BCO1: variants seen among roughly 807,000 people sequenced by gnomAD.
The protein encoded by BCO1 is beta-carotene oxygenase 1, also known as beta,beta-carotene 15,15'-dioxygenase.
A neutral mutation model predicts 56.3 loss-of-function variants in BCO1; 54 were observed. The observed-to-expected ratio is 0.96, with a 90% CI of 0.77 to 1.20. BCO1 has a LOEUF of 1.20. Ranked by LOEUF, BCO1 falls within the 50% of genes most tolerant of loss-of-function variation. The pLI is 0.00. For missense variants in BCO1, 801 were observed against 690.9 expected (o/e 1.16, Z -1.79); for synonymous variants, 318 against 266.1 (o/e 1.20, Z -1.90).
chr16:81,284,707 A>C (rs1268540117), intron 8 of BCO1, among the ~76,000 whole-genome samples: 1 of 151,846 alleles, frequency 6.6e-6, no homozygotes. Flanking sequence ...TTGGTCTCAA[A>C]CTCCTGGCCT....
chr16:81,264,518 C>A, intron 4 of BCO1, 122 bp from the exon 5 acceptor site: 1 of 1,208,122 alleles, frequency 8.3e-7, no homozygotes, highest in Non-Finnish European at 1.2e-6. Flanking sequence ...CTCTCTGAAC[C>A]TAGAATCAGT....
chr16:81,264,610 T>G, intron 4 of BCO1, 30 bp from the exon 5 acceptor site: 2 of 1,612,882 alleles, frequency 1.2e-6, no homozygotes, highest in Non-Finnish European at 1.7e-6. Flanking sequence ...CGTAAATACT[T>G]TAAAAAACAG....
chr16:81,267,981 C>T lies in BCO1; in HGVS notation c.693C>T (p.Leu231=). The T allele has an allele frequency of 6.2e-7, 1 of 1,614,050 alleles. No homozygotes were observed. Among genetic ancestry groups the T allele is most frequent in the Non-Finnish European group, 8.5e-7 (1 of 1,180,034 alleles). ...GCTCCATCCCATCCCGCTCCCTGCTCTCCCCAAGCTACTACCACAGCTTTG... is the reference window on the plus strand; with the variant it reads ...GCTCCATCCCATCCCGCTCCCTGCTTTCCCCAAGCTACTACCACAGCTTTG... The part of the protein sequence containing the change: ...VFCSIPSRSL[L]SPSYYHSFGV... The change falls in exon 6 of 11, where the codon CTC becomes CTT. Residue 231 remains leucine, a synonymous_variant. Transcript: ENST00000258168.
intron 7 of BCO1, among the ~76,000 whole-genome samples, chr16:81,278,592 A>G (rs1347864933): frequency 1.3e-5 from 2 of 152,226 alleles, no homozygotes; most frequent in African/African-American, 4.8e-5. Context: ...AAAGAGCTTC[A>G]TAAAGGAGAT....
At chr16:81,262,890 C>T (rs1435420628) in intron 4 of BCO1, 1 of 158,468 alleles carries the variant, frequency 6.3e-6, no homozygotes, top group Non-Finnish European at 1.4e-5. Context: ...GAAATTTACT[C>T]TCTCACAGTT....
Position 81,280,875 on chromosome 16 carries a change from A to C in BCO1, c.1120A>C (p.Asn374His), listed in dbSNP as rs777973552. The change falls in exon 8 of 11, where the codon AAT becomes CAT. Residue 374 changes from asparagine to histidine, a missense_variant. By Grantham distance (68) the Asn-to-His change is moderately conservative. Transcript: ENST00000258168. ...TTTTCAGAATGCAGAAGTGGGCACA[A>C]ATTTAATCAAAGTGGCATCTACAAC... Reference protein sequence around the residue: ...HVDKNAEVGTNLIKVASTTAT... With the variant: ...HVDKNAEVGTHLIKVASTTAT... The C allele has an allele frequency of 2.4e-5, 38 of 1,613,870 alleles. No individual in the cohort carries two copies. In the Middle Eastern group the frequency reaches 3.6e-3, roughly 154 times the overall value.
At position 81,280,872 on chromosome 16, in the gene BCO1, A is replaced by G. The variant is rs140479675; in HGVS notation, c.1117A>G (p.Thr373Ala). The change falls in exon 8 of 11, where the codon ACA (threonine) becomes GCA (alanine). Residue 373 changes from threonine to alanine, a missense_variant. Physicochemically the swap from Thr to Ala is moderately conservative, Grantham distance 58. Coordinates refer to ENST00000258168, the MANE Select transcript of BCO1 (RefSeq NM_017429.3). ...LHVDKNAEVG[T>A]NLIKVASTTA... ...ATTTTTTCAGAATGCAGAAGTGGGC[A>G]CAAATTTAATCAAAGTGGCATCTAC... 8.1e-6 allele frequency: 13 copies of G among 1,613,642 alleles called. No homozygotes were observed. Among genetic ancestry groups the G allele is most frequent in the Non-Finnish European group, 1.1e-5 (13 of 1,179,656 alleles).
At chr16:81,280,809 C>G (rs1225863493) in intron 7 of BCO1, 48 bp from the exon 8 acceptor site, 7 of 1,355,662 alleles carry the variant, frequency 5.2e-6, no homozygotes, top group Non-Finnish European at 6.3e-6. Flanking sequence ...AATGTTTGCT[C>G]TGGATTACAC....
chr16:81,242,189 TGTC>T (rs1344902225), intron 1 of BCO1, among the ~76,000 whole-genome samples: 1 of 144,460 alleles, frequency 6.9e-6, no homozygotes, highest in African/African-American at 2.6e-5. Flanking sequence ...GAGACTTGGC[TGTC>T]TTTTTTTTTT....
At chr16:81,268,239 G>A (rs1906958420) in intron 6 of BCO1, 108 bp downstream of exon 6, 1 of 981,278 alleles carries the variant, frequency 1.0e-6, no homozygotes, top group African/African-American at 1.6e-5. Flanking sequence ...GAAGAGGGAG[G>A]AGGCTACCAG....
At chr16:81,284,859 C>T (rs1908086442) in intron 8 of BCO1, among the ~76,000 whole-genome samples, 1 of 143,596 alleles carries the variant, frequency 7.0e-6, no homozygotes, top group African/African-American at 2.6e-5. Flanking sequence ...TTTTTCGAGA[C>T]AGAGTCTCAC....
Position 81,270,374 on chromosome 16 carries a change from C to G in BCO1, c.1059C>G (p.Val353=). ...DFKENSRLTS[V]PTLRRFAVPL... is the part of the protein sequence containing the mutation. ...AGGAGAACTCCAGGCTCACCTCGGT[C>G]CCCACCCTCAGGAGGTTTGCCGTGC... Residue 353 remains valine (V), a synonymous_variant, in exon 7 of 11, where the codon GTC becomes GTG. Coordinates refer to ENST00000258168, the MANE Select transcript of BCO1 (RefSeq NM_017429.3). The G allele has an allele frequency of 6.2e-7, 1 of 1,614,084 alleles. No individual in the cohort carries two copies. Among genetic ancestry groups the G allele is most frequent in the Non-Finnish European group, 8.5e-7 (1 of 1,180,004 alleles).
chr16:81,287,412 A>T lies in BCO1; in HGVS notation c.1414+6A>T. On this transcript the variant is annotated splice_donor_region_variant and intron_variant, in intron 10 of 10. Transcript: ENST00000258168. ...TGCCAAGGATGAGGATGACGGTAAG[A>T]CTCTAAGAAGCCACGCCTAGTTGCT... The T allele has an allele frequency of 6.2e-7, 1 of 1,611,180 alleles. No individual in the cohort carries two copies.
At chr16:81,264,913 A>G in intron 5 of BCO1, 126 bp downstream of exon 5, 1 of 1,078,226 alleles carries the variant, frequency 9.3e-7, no homozygotes, top group Non-Finnish European at 1.4e-6. Flanking sequence ...ATTGAGGTGG[A>G]CCATGAAGTC....
At chr16:81,271,757 G>T (rs573534569) in intron 7 of BCO1, among the ~76,000 whole-genome samples, 2 of 151,994 alleles carry the variant, frequency 1.3e-5, no homozygotes, top group Admixed American at 6.6e-5. Context: ...GTTTTTGCTT[G>T]TTTGTTTGTT....
chr16:81,244,503 A>G (rs1905282246), intron 1 of BCO1, among the ~76,000 whole-genome samples: 1 of 152,056 alleles, frequency 6.6e-6, no homozygotes, highest in Non-Finnish European at 1.5e-5. Context: ...TTTCAGACCA[A>G]CCACATTTCA....
intron 7 of BCO1, among the ~76,000 whole-genome samples, chr16:81,271,217 C>T (rs906537677): frequency 3.3e-5 from 5 of 151,880 alleles, no homozygotes; most frequent in African/African-American, 7.3e-5. Context: ...TGGATTCAAG[C>T]GGTTCTCCTG....
intron 10 of BCO1, among the ~76,000 whole-genome samples, chr16:81,287,884 C>A (rs1300580461): frequency 6.6e-6 from 1 of 152,166 alleles, no homozygotes; most frequent in Non-Finnish European, 1.5e-5. Context: ...TCCCCTGAGA[C>A]TCAGTATGGA....
At chr16:81,267,020 G>C (rs1029402061) in intron 5 of BCO1, among the ~76,000 whole-genome samples, 2 of 152,182 alleles carry the variant, frequency 1.3e-5, no homozygotes, top group African/African-American at 4.8e-5. Context: ...GAGGCCTTTT[G>C]ACCAGCGAGT....
Sources: gnomAD v4.1 joint callset for allele counts (sites outside exome capture counted in the v4.1 genomes callset) on GRCh38, gnomAD v4.1.1 for gene constraint, MANE v1.5 for transcripts, NCBI Gene and HGNC (gene_info 2026-07-23, HGNC 2026-07-21) for gene names.